CSMD2: variants seen among roughly 807,000 people sequenced by gnomAD.
The protein encoded by CSMD2 is CUB and Sushi multiple domains 2.
In CSMD2, 130 loss-of-function variants were observed where a neutral mutation model predicts 398.5. That is an observed-to-expected ratio of 0.33 (90% CI 0.28 to 0.38). The LOEUF (loss-of-function observed/expected upper bound fraction) is 0.38. Among genes scored for constraint, CSMD2 ranks in the 10% least tolerant of loss-of-function variants. CSMD2 has a pLI of 1.00. For synonymous variants in CSMD2, 1,828 were observed against 1,908.5 expected (o/e 0.96, Z 1.10); for missense variants, 3,829 against 4,764.9 (o/e 0.80, Z 5.78).
At chr1:34,050,628 A>G (rs774628676) in intron 2 of CSMD2, among the ~76,000 whole-genome samples, 16 of 152,214 alleles carry the variant, frequency 1.1e-4, no homozygotes, top group Non-Finnish European at 1.5e-5. Flanking sequence ...TATGCTCTGA[A>G]TCAGCATGCA....
chr1:34,124,903 A>G (rs1026725056), intron 1 of CSMD2, among the ~76,000 whole-genome samples: 7 of 152,220 alleles, frequency 4.6e-5, no homozygotes, highest in Non-Finnish European at 1.0e-4. Flanking sequence ...ACCCACCACC[A>G]GAAAATCTCA....
At chr1:34,003,095 A>G (rs1042801416) in intron 3 of CSMD2, among the ~76,000 whole-genome samples, 2 of 152,102 alleles carry the variant, frequency 1.3e-5, no homozygotes, top group African/African-American at 4.8e-5. Context: ...GCGAGCTCCA[A>G]GGGTACTCTC....
intron 6 of CSMD2, among the ~76,000 whole-genome samples, chr1:33,842,887 G>A (rs531081909): frequency 6.6e-6 from 1 of 152,260 alleles, no homozygotes; most frequent in African/African-American, 2.4e-5. Flanking sequence ...AAGTAGTTGT[G>A]GTTCATTAGA....
chr1:33,769,974 T>C (rs1651043694), intron 13 of CSMD2, among the ~76,000 whole-genome samples: 1 of 152,220 alleles, frequency 6.6e-6, no homozygotes, highest in Non-Finnish European at 1.5e-5. Flanking sequence ...TTTTATATTT[T>C]TATAGATGTT....
At chr1:34,133,937 T>C (rs530149932) in intron 1 of CSMD2, among the ~76,000 whole-genome samples, 16 of 150,638 alleles carry the variant, frequency 1.1e-4, no homozygotes, top group African/African-American at 3.2e-4. Flanking sequence ...GGTGTGGTAG[T>C]GTGTGCCAAT....
At chr1:34,149,506 T>C (rs905048320) in intron 1 of CSMD2, among the ~76,000 whole-genome samples, 5 of 152,172 alleles carry the variant, frequency 3.3e-5, no homozygotes, top group Non-Finnish European at 7.3e-5. Context: ...TGGGAATTAG[T>C]ACACGGAAGA....
At chr1:34,092,194 G>A (rs537730253) in intron 1 of CSMD2, among the ~76,000 whole-genome samples, 2 of 152,186 alleles carry the variant, frequency 1.3e-5, no homozygotes, top group African/African-American at 2.4e-5. Context: ...GACTTTTACA[G>A]AGGGATAAAA....
intron 6 of CSMD2, among the ~76,000 whole-genome samples, chr1:33,837,427 A>G (rs866785724): frequency 1.5e-4 from 22 of 149,388 alleles, no homozygotes; most frequent in African/African-American, 5.0e-4. Flanking sequence ...CCTTGTCCCA[A>G]TGATATTATA....
At chr1:33,749,530 C>T (rs565157158) in intron 13 of CSMD2, among the ~76,000 whole-genome samples, 1 of 151,070 alleles carries the variant, frequency 6.6e-6, no homozygotes, top group African/African-American at 2.4e-5. Context: ...AAAAAGTTAC[C>T]AAAAGAATAA....
intron 5 of CSMD2, among the ~76,000 whole-genome samples, chr1:33,869,570 G>A (rs917710402): frequency 3.3e-5 from 5 of 152,260 alleles, no homozygotes; most frequent in African/African-American, 1.2e-4. Flanking sequence ...CAGATTGCCG[G>A]GCCTTACCCC....
At chr1:34,140,513 C>T (rs906653096) in intron 1 of CSMD2, among the ~76,000 whole-genome samples, 2 of 152,132 alleles carry the variant, frequency 1.3e-5, no homozygotes, top group African/African-American at 4.8e-5. Context: ...CTGTGTTTAG[C>T]AGGTCCCATC....
intron 1 of CSMD2, among the ~76,000 whole-genome samples, chr1:34,091,213 T>C (rs1286880794): frequency 6.6e-6 from 1 of 152,212 alleles, no homozygotes; most frequent in Non-Finnish European, 1.5e-5. Flanking sequence ...AGACACCACA[T>C]GTGAGTTTGC....
At chr1:34,155,312 TC>T (rs913912791) in intron 1 of CSMD2, among the ~76,000 whole-genome samples, 1 of 152,144 alleles carries the variant, frequency 6.6e-6, no homozygotes, top group Non-Finnish European at 1.5e-5. Context: ...CTTTCCATGT[TC>T]CTTAGAACAA....
chr1:33,743,166 G>T, intron 14 of CSMD2, 114 bp downstream of exon 14: 3 of 839,600 alleles, frequency 3.6e-6, no homozygotes, highest in East Asian at 2.7e-5. Context: ...GCCCTGCAAT[G>T]CCCTGGGAAC....
rs756159534 is a variant in CSMD2, at chr1:33,559,992, C to T, written c.8381-519G>A. Among the ~76,000 whole-genome samples the T allele has an allele frequency of 6.6e-6, 1 of 152,194 alleles. No individual in the cohort carries two copies. Among genetic ancestry groups the T allele is most frequent in the Non-Finnish European group, 1.5e-5 (1 of 68,028 alleles). ...GCTGTTTGGAGAGAACCCACTACCTCCAATTCCTTCCATGGCAAGGGAGTT... is the reference window on the plus strand; with the variant it reads ...GCTGTTTGGAGAGAACCCACTACCTTCAATTCCTTCCATGGCAAGGGAGTT... On this transcript the variant is annotated intron_variant, in intron 53 of 70. Transcript: ENST00000373381. This position sits in a 1 kb window ranked among gnomAD's most constrained non-coding sequence, Gnocchi z 4.0.
chr1:33,965,285 T>A (rs2125406480), intron 3 of CSMD2, among the ~76,000 whole-genome samples: 1 of 152,342 alleles, frequency 6.6e-6, no homozygotes, highest in South Asian at 2.1e-4. Flanking sequence ...GTGATGTGTC[T>A]TCCCTGATTT....
At chr1:33,771,086 A>T (rs1445822398) in intron 13 of CSMD2, among the ~76,000 whole-genome samples, 1 of 151,992 alleles carries the variant, frequency 6.6e-6, no homozygotes, top group African/African-American at 2.4e-5. Context: ...TCCCATGTGA[A>T]TCCTCCCAGC....
intron 1 of CSMD2, among the ~76,000 whole-genome samples, chr1:34,108,946 G>A (rs1660782017): frequency 6.6e-6 from 1 of 152,284 alleles, no homozygotes; most frequent in South Asian, 2.1e-4. Context: ...GAGATGAGGG[G>A]TGGTAAGACT....
Position 33,635,421 on chromosome 1 carries a change from C to A in CSMD2, c.4970-91G>T. The stretch of plus-strand genomic sequence containing the variant: ...TTCTGCCCCAGCCTGAGCTTCTGGC[C>A]CCAGTAGGGCTGCCCTGAGGTGGGC... On this transcript the variant is annotated intron_variant, in intron 30 of 70. Coordinates refer to ENST00000373381, the MANE Select transcript of CSMD2 (RefSeq NM_001281956.2). This position sits in a 1 kb window ranked among gnomAD's most constrained non-coding sequence, Gnocchi z 5.0. 1 of 757,128 alleles carries A rather than the reference C, an allele frequency of 1.3e-6. No homozygotes were observed. Among genetic ancestry groups the A allele is most frequent in the South Asian group, 1.7e-5 (1 of 59,676 alleles). The allele number at this position is 757,128 out of a possible 1,614,324, so 46.9% of individuals were successfully genotyped here.
Sources: gnomAD v4.1 joint callset for allele counts (sites outside exome capture counted in the v4.1 genomes callset) on GRCh38, gnomAD v4.1.1 for gene constraint, Gnocchi (gnomAD v3.1) non-coding constraint, MANE v1.5 for transcripts, NCBI Gene and HGNC (gene_info 2026-07-23, HGNC 2026-07-21) for gene names.